FHIT: variants seen among roughly 807,000 people sequenced by gnomAD.
The protein encoded by FHIT is bis(5'-adenosyl)-triphosphatase.
In FHIT, 19 loss-of-function variants were observed where a neutral mutation model predicts 17.9. That is an observed-to-expected ratio of 1.06 (90% CI 0.74 to 1.56). The LOEUF is 1.56. FHIT is among the 40% of genes most tolerant of loss of function. The pLI is 0.00. For missense variants in FHIT, 248 were observed against 189.2 expected (o/e 1.31, Z -1.82); for synonymous variants, 81 against 69.7 (o/e 1.16, Z -0.81).
intron 1 of FHIT, among the ~76,000 whole-genome samples, chr3:61,242,740 C>T (rs772278937): frequency 3.2e-4 from 49 of 152,200 alleles, no homozygotes; most frequent in Non-Finnish European, 6.0e-4. Context: ...GAGTGCTGAT[C>T]GGTCGAATTG....
chr3:60,248,127 C>T (rs1705499906), intron 5 of FHIT, among the ~76,000 whole-genome samples: 1 of 152,024 alleles, frequency 6.6e-6, no homozygotes, highest in African/African-American at 2.4e-5. Context: ...TTTGAAGCTG[C>T]CTCGTTATAA....
At chr3:60,007,785 C>T (rs934299975) in intron 7 of FHIT, among the ~76,000 whole-genome samples, 11 of 152,256 alleles carry the variant, frequency 7.2e-5, no homozygotes, top group Non-Finnish European at 1.2e-4. Context: ...TTAGCAAGGC[C>T]TGTGTGTTCA....
At chr3:60,357,204 T>TTTGTTTG (rs1559848821) in intron 5 of FHIT, among the ~76,000 whole-genome samples, 1 of 152,064 alleles carries the variant, frequency 6.6e-6, no homozygotes, top group African/African-American at 2.4e-5. Flanking sequence ...ATCACTTGTT[T>TTTGTTTG]TTTGTTTGTT....
At chr3:60,068,519 AC>A (rs1156586808) in intron 5 of FHIT, among the ~76,000 whole-genome samples, 1 of 152,210 alleles carries the variant, frequency 6.6e-6, no homozygotes, top group Non-Finnish European at 1.5e-5. Context: ...GTGTTCCATT[AC>A]TAGGACCATG....
intron 5 of FHIT, among the ~76,000 whole-genome samples, chr3:60,377,348 G>A (rs377578234): frequency 4.6e-5 from 7 of 151,692 alleles, no homozygotes; most frequent in East Asian, 1.9e-4. Context: ...TAGTAGAGAC[G>A]GGGTTTCACC....
chr3:59,761,747 C>T (rs1020327021), intron 8 of FHIT, among the ~76,000 whole-genome samples: 15 of 151,968 alleles, frequency 9.9e-5, no homozygotes, highest in South Asian at 2.1e-4. Context: ...GCTGGGACTA[C>T]GGGAGTGCAC....
At chr3:60,462,586 G>C (rs1298691621) in intron 5 of FHIT, among the ~76,000 whole-genome samples, 1 of 152,172 alleles carries the variant, frequency 6.6e-6, no homozygotes, top group Non-Finnish European at 1.5e-5. Flanking sequence ...GAAGAGAGGA[G>C]GGAAGAGCAT....
intron 3 of FHIT, among the ~76,000 whole-genome samples, chr3:60,919,877 T>C (rs1707190063): frequency 6.6e-6 from 1 of 151,968 alleles, no homozygotes; most frequent in Admixed American, 6.6e-5. Context: ...CTACTAAAAA[T>C]ACAAAACTTA....
chr3:59,773,471 C>T (rs770753198), intron 8 of FHIT, among the ~76,000 whole-genome samples: 3 of 152,212 alleles, frequency 2.0e-5, no homozygotes, highest in Non-Finnish European at 2.9e-5. Flanking sequence ...TAAGTGGTTG[C>T]ATGCTTTGAC....
intron 3 of FHIT, among the ~76,000 whole-genome samples, chr3:60,994,181 AT>A (rs1285840409): frequency 6.6e-6 from 1 of 152,162 alleles, no homozygotes; most frequent in Non-Finnish European, 1.5e-5. Flanking sequence ...GTTATTAAAC[AT>A]TTTTTTAAGT....
intron 5 of FHIT, among the ~76,000 whole-genome samples, chr3:60,309,663 A>G (rs1201408860): frequency 1.3e-5 from 2 of 152,124 alleles, no homozygotes; most frequent in African/African-American, 4.8e-5. Context: ...CTCCTCAGTA[A>G]GCCAACAGAC....
intron 5 of FHIT, among the ~76,000 whole-genome samples, chr3:60,084,505 T>C (rs1703418893): frequency 6.6e-6 from 1 of 152,120 alleles, no homozygotes; most frequent in African/African-American, 2.4e-5. Flanking sequence ...CATAATTATA[T>C]AAGCTAAAAT....
intron 2 of FHIT, among the ~76,000 whole-genome samples, chr3:61,187,702 G>T (rs1022933590): frequency 5.9e-5 from 9 of 152,196 alleles, no homozygotes; most frequent in African/African-American, 1.9e-4. Context: ...CTCAGCAAAT[G>T]TAAAAGAACA....
chr3:60,813,048 G>T (rs1701624036), intron 4 of FHIT, among the ~76,000 whole-genome samples: 2 of 151,882 alleles, frequency 1.3e-5, no homozygotes. Context: ...CCATCAAGAG[G>T]TGGGACCACT....
At chr3:59,760,062 C>T (rs1294399458) in intron 8 of FHIT, among the ~76,000 whole-genome samples, 4 of 152,158 alleles carry the variant, frequency 2.6e-5, no homozygotes, top group Non-Finnish European at 2.9e-5. Context: ...CCAGTTCCTC[C>T]TCCTTTTCTG....
Position 60,859,825 on chromosome 3 carries a change from C to T in FHIT, c.-110-37814G>A, listed in dbSNP as rs1361675764. Among the ~76,000 whole-genome samples the T allele has an allele frequency of 3.2e-5, 4 of 123,780 alleles. No homozygotes were observed. In the Admixed American group the frequency reaches 3.3e-4, roughly 10 times the overall value. 81.2% of individuals were successfully genotyped at this position (123,780 alleles called of 152,430 possible). A position where few individuals can be genotyped will look rare whatever the true frequency, so the allele number is the denominator to read the frequency against. ...TTGGGAAGCTGAGGTGGGTGGATCACTTGAGGTCAGGAGCTCAAGACCAGC... is the reference window on the plus strand; with the variant it reads ...TTGGGAAGCTGAGGTGGGTGGATCATTTGAGGTCAGGAGCTCAAGACCAGC... On this transcript the variant is annotated intron_variant, in intron 3 of 9. Transcript: ENST00000492590.
At chr3:60,749,905 A>G (rs1219936172) in intron 4 of FHIT, among the ~76,000 whole-genome samples, 1 of 152,222 alleles carries the variant, frequency 6.6e-6, no homozygotes, top group Non-Finnish European at 1.5e-5. Flanking sequence ...TAACAAGTGA[A>G]AGATACAAAG....
At chr3:60,367,572 A>T (rs1700160428) in intron 5 of FHIT, among the ~76,000 whole-genome samples, 1 of 152,330 alleles carries the variant, frequency 6.6e-6, no homozygotes, top group East Asian at 1.9e-4. Flanking sequence ...GAAACACTTG[A>T]TGCCTTTATG....
chr3:60,346,278 T>G (rs1710774474), intron 5 of FHIT, among the ~76,000 whole-genome samples: 3 of 152,100 alleles, frequency 2.0e-5, no homozygotes, highest in African/African-American at 7.2e-5. Context: ...CCTATAAGAG[T>G]AGTGGAAAAA....
Sources: gnomAD v4.1 joint callset for allele counts (sites outside exome capture counted in the v4.1 genomes callset) on GRCh38, gnomAD v4.1.1 for gene constraint, MANE v1.5 for transcripts, NCBI Gene and HGNC (gene_info 2026-07-23, HGNC 2026-07-21) for gene names.